Variants in CELSR1 observed in about 807,000 individuals in gnomAD.
CELSR1 encodes cadherin EGF LAG seven-pass G-type receptor 1, also known as adhesion G protein-coupled receptor C1.
In CELSR1, 110 loss-of-function variants were observed where a neutral mutation model predicts 249.1. The observed-to-expected ratio is 0.44, with a 90% CI of 0.38 to 0.52. The LOEUF (loss-of-function observed/expected upper bound fraction) is 0.52. Among genes scored for constraint, CELSR1 ranks in the 20% least tolerant of loss-of-function variants. The probability of loss-of-function intolerance (pLI) is 0.00; values close to 1 mark genes in which losing one functional copy is unlikely to be tolerated. For synonymous variants in CELSR1, 2,113 were observed against 1,900.0 expected, an observed-to-expected ratio of 1.11 and a Z score of -2.92; for missense variants, 4,109 against 4,296.4, an observed-to-expected ratio of 0.96 and a Z score of 1.22.
chr22:46,390,675 A>G lies in CELSR1; in HGVS notation c.6251-189T>C, dbSNP rs1410858419. ...GGGCCACGGCCGAAGCTGCTCTGACACTGACAACCAGGCGTTTCGGGAGCC... is the reference window on the plus strand; with the variant it reads ...GGGCCACGGCCGAAGCTGCTCTGACGCTGACAACCAGGCGTTTCGGGAGCC... On this transcript the variant is annotated intron_variant, in intron 16 of 34. Coordinates refer to ENST00000674500, the MANE Select transcript of CELSR1 (RefSeq NM_001378328.1). This position sits in a 1 kb window ranked among gnomAD's most constrained non-coding sequence, Gnocchi z 6.3. Among the ~76,000 whole-genome samples the G allele has an allele frequency of 6.6e-6, 1 of 152,174 alleles. No homozygotes were observed. The highest frequency in any genetic ancestry group is 1.5e-5 in the Non-Finnish European group (1 of 68,028).
At chr22:46,405,578 T>G (rs1233427065) in intron 9 of CELSR1, among the ~76,000 whole-genome samples, 3 of 152,040 alleles carry the variant, frequency 2.0e-5, no homozygotes, top group South Asian at 2.1e-4. Context: ...AAAAGTGATA[T>G]CCACAGGATG....
chr22:46,509,506 T>C (rs939623776), intron 1 of CELSR1, among the ~76,000 whole-genome samples: 1 of 18,882 alleles, frequency 5.3e-5, no homozygotes, highest in African/African-American at 1.4e-4. Context: ...CCCACTTCCA[T>C]GGCAGTCATC....
intron 2 of CELSR1, among the ~76,000 whole-genome samples, chr22:46,450,093 A>G (rs746712030): frequency 1.3e-4 from 20 of 152,160 alleles, no homozygotes; most frequent in Non-Finnish European, 2.5e-4. Context: ...CCCACCGGAG[A>G]TAGGAGCTGC....
In CELSR1 at chr22:46,402,825, C is replaced by T. The variant is rs534916230; in HGVS notation, c.5227-2923G>A. ...ATCAGAAAACAAGGTTGTAACTAAC[C>T]TAAGATGCTCATATTTAAAGATAAC... On this transcript the variant is annotated intron_variant, in intron 9 of 34. Coordinates refer to ENST00000674500, the MANE Select transcript of CELSR1 (RefSeq NM_001378328.1). This position sits in a 1 kb window ranked among gnomAD's most constrained non-coding sequence, Gnocchi z 5.0. 5.7e-4 allele frequency among the ~76,000 whole-genome samples: 87 copies of T among 152,034 alleles called. No homozygotes were observed. Among genetic ancestry groups the T allele is most frequent in the Non-Finnish European group, 1.5e-4 (10 of 68,010 alleles).
chr22:46,530,369 T>C (rs1213275588), intron 1 of CELSR1: 1 of 149,144 alleles, frequency 6.7e-6, no homozygotes, highest in Non-Finnish European at 1.5e-5. Context: ...ATATAATTCA[T>C]TATATATAAA....
chr22:46,370,817 T>G (rs911660253), intron 25 of CELSR1, among the ~76,000 whole-genome samples: 5 of 152,242 alleles, frequency 3.3e-5, no homozygotes, highest in Non-Finnish European at 7.3e-5. Flanking sequence ...GACCAGTGCC[T>G]GCAGCTCAGT....
chr22:46,458,885 G>GT lies in CELSR1; in HGVS notation c.4183+4821dup, dbSNP rs574003604. ...GTAGAGAGTACTGTTCCCAGTTTAG[G>GT]TTTTTTTTTGTTTGTGTTTTTGTTT... is the stretch of plus-strand genomic sequence containing the variant. On this transcript the variant is annotated intron_variant, in intron 2 of 34. Coordinates refer to ENST00000674500, the MANE Select transcript of CELSR1 (RefSeq NM_001378328.1). Among the ~76,000 whole-genome samples, 510 of 151,500 alleles carry GT rather than the reference G, an allele frequency of 3.4e-3. 6 individuals carry two copies. Among genetic ancestry groups the GT allele is most frequent in the African/African-American group, 0.012 (489 of 41,314 alleles).
intron 24 of CELSR1, among the ~76,000 whole-genome samples, chr22:46,375,537 CTCT>C (rs1004956999): frequency 1.4e-4 from 21 of 146,094 alleles, no homozygotes; most frequent in East Asian, 3.9e-4. Context: ...TGCTGCCAGG[CTCT>C]TTTTTTTTTT....
intron 5 of CELSR1, among the ~76,000 whole-genome samples, chr22:46,416,096 A>G (rs2079397127): frequency 9.5e-6 from 1 of 105,468 alleles, no homozygotes; most frequent in African/African-American, 4.6e-5. Flanking sequence ...TGAATGGTAC[A>G]GGTTGCAGAG....
intron 5 of CELSR1, among the ~76,000 whole-genome samples, chr22:46,431,499 G>A (rs549634408): frequency 2.0e-5 from 3 of 152,242 alleles, no homozygotes; most frequent in East Asian, 3.9e-4. Flanking sequence ...AGGAAAATGC[G>A]CCACCTATGC....
At position 46,423,704 on chromosome 22, in the gene CELSR1, G is replaced by A. The variant is rs2079505666; in HGVS notation, c.4611+9689C>T. Among the ~76,000 whole-genome samples, 1 of 152,064 alleles carries A rather than the reference G, an allele frequency of 6.6e-6. No homozygotes were observed. The highest frequency in any genetic ancestry group is 2.4e-5 in the African/African-American group (1 of 41,388). ...TTAACAAGTATGGGCCGGGTGCGGT[G>A]GCTCACGCCTATAATCCAGCACTTT... On this transcript the variant is annotated intron_variant, in intron 5 of 34. Coordinates refer to ENST00000674500, the MANE Select transcript of CELSR1 (RefSeq NM_001378328.1). This position sits in a 1 kb window ranked among gnomAD's most constrained non-coding sequence, Gnocchi z 5.6.
intron 1 of CELSR1, among the ~76,000 whole-genome samples, chr22:46,487,270 A>G (rs941578171): frequency 5.9e-5 from 9 of 152,068 alleles, no homozygotes; most frequent in African/African-American, 2.2e-4. Context: ...TCTCGAGCTA[A>G]TTGCAGACGA....
chr22:46,514,083 G>A (rs933968685), intron 1 of CELSR1, among the ~76,000 whole-genome samples: 7 of 152,012 alleles, frequency 4.6e-5, no homozygotes, highest in Non-Finnish European at 1.0e-4. Context: ...ACGAGCCACC[G>A]CACCCGGCCC....
intron 24 of CELSR1, among the ~76,000 whole-genome samples, chr22:46,373,685 TGG>T (rs1555905684): frequency 4.6e-5 from 1 of 21,920 alleles, no homozygotes; most frequent in African/African-American, 1.3e-4. Flanking sequence ...ATGGGGGAGA[TGG>T]GGGAGAAGGG....
chr22:46,536,307 G>T lies in CELSR1; in HGVS notation c.864C>A (p.Phe288Leu). ...ERVSYYMEGL[F>L]DERSRGYFRI... ...GGAAGTAGCCCCGGGAGCGCTCGTC[G>T]AACAGCCCCTCCATGTAATAGCTCA... Residue 288 changes from phenylalanine (F) to leucine (L), a missense_variant, in exon 1 of 35, where the codon TTC (phenylalanine) becomes TTA (leucine). Physicochemically the swap from Phe to Leu is conservative, Grantham distance 22. Around this residue, in one of 7 missense-constraint regions of CELSR1, gnomAD observed 673 missense variants for 636.8 expected, o/e 1.06. Coordinates refer to ENST00000674500, the MANE Select transcript of CELSR1 (RefSeq NM_001378328.1). The T allele has an allele frequency of 1.2e-6, 2 of 1,612,666 alleles. No individual in the cohort carries two copies. Among genetic ancestry groups the T allele is most frequent in the Non-Finnish European group, 1.7e-6 (2 of 1,179,920 alleles).
At chr22:46,420,853 G>T (rs1351063591) in intron 5 of CELSR1, among the ~76,000 whole-genome samples, 1 of 152,188 alleles carries the variant, frequency 6.6e-6, no homozygotes, top group Non-Finnish European at 1.5e-5. Flanking sequence ...GTGATAAGGT[G>T]AAGGTGGGGA....
Position 46,533,659 on chromosome 22 carries a change from G to A in CELSR1, c.3512C>T (p.Pro1171Leu), listed in dbSNP as rs1297948385. The change falls in exon 1 of 35, where the codon CCG (proline) becomes CTG (leucine). Residue 1171 changes from proline to leucine, a missense_variant. Physicochemically the swap from Pro to Leu is moderately conservative, Grantham distance 98. Transcript: ENST00000674500. The part of the protein sequence containing the change: ...QLSRDLDNNR[P>L]LEALMEVSVS... ...AGACACCTCCATGAGCGCCTCCAGC[G>A]GCCGGTTGTTGTCCAGGTCGCGGCT... 7 of 1,595,644 alleles carry A rather than the reference G, an allele frequency of 4.4e-6. No homozygotes were observed. Among genetic ancestry groups the A allele is most frequent in the Non-Finnish European group, 5.1e-6 (6 of 1,173,246 alleles).
In CELSR1 at chr22:46,477,514, C is replaced by A. The variant is rs750069710; in HGVS notation, c.3545-13169G>T. On this transcript the variant is annotated intron_variant, in intron 1 of 34. Transcript: ENST00000674500. ...TTTTTGTTTTGTTTTGTTTTATTGGCTTTTTTTTTTTTTTGAGACGGAGTC... is the reference window on the plus strand; with the variant it reads ...TTTTTGTTTTGTTTTGTTTTATTGGATTTTTTTTTTTTTTGAGACGGAGTC... Among the ~76,000 whole-genome samples, 285 of 133,666 alleles carry A rather than the reference C, an allele frequency of 2.1e-3. 4 individuals carry two copies. The highest frequency in any genetic ancestry group is 5.1e-3 in the Admixed American group (65 of 12,654). The allele number at this position is 133,666 out of a possible 152,430, so 87.7% of individuals were successfully genotyped here. A position where few individuals can be genotyped will look rare whatever the true frequency, so the allele number is the denominator to read the frequency against.
chr22:46,513,552 C>T (rs1404818503), intron 1 of CELSR1, among the ~76,000 whole-genome samples: 1 of 134,362 alleles, frequency 7.4e-6, no homozygotes, highest in African/African-American at 3.2e-5. Context: ...TGTGGGGAGG[C>T]CTTAGGTTTA....
Sources: gnomAD v4.1 joint callset for allele counts (sites outside exome capture counted in the v4.1 genomes callset) on GRCh38, gnomAD v4.1.1 for gene constraint, gnomAD v4.1.1 regional missense constraint, Gnocchi (gnomAD v3.1) non-coding constraint, MANE v1.5 for transcripts, NCBI Gene and HGNC (gene_info 2026-07-23, HGNC 2026-07-21) for gene names.